The following WASHC4 variants were observed in gnomAD, a reference collection of about 807,000 sequenced individuals.
WASHC4 encodes the protein WASH complex subunit 4, also known as WASH complex subunit 7.
Under a neutral mutation model 166.6 loss-of-function variants are expected in WASHC4, and 86 were observed. That is an observed-to-expected ratio of 0.52 (90% CI 0.43 to 0.62). WASHC4 has a LOEUF of 0.62. Among genes scored for constraint, WASHC4 ranks in the 20% least tolerant of loss-of-function variants. The pLI is 0.00. For missense variants in WASHC4, 1,262 were observed against 1,382.4 expected (o/e 0.91, Z 1.38); for synonymous variants, 446 against 451.6 (o/e 0.99, Z 0.16).
At chr12:105,144,013 T>C (rs959952588) in intron 20 of WASHC4, among the ~76,000 whole-genome samples, 5 of 151,966 alleles carry the variant, frequency 3.3e-5, no homozygotes, top group African/African-American at 1.2e-4. Flanking sequence ...TTGCCTGTTC[T>C]CATGCCCTTT....
chr12:105,140,500 T>C, intron 16 of WASHC4, 99 bp downstream of exon 16: 1 of 896,652 alleles, frequency 1.1e-6, no homozygotes, highest in South Asian at 1.4e-5. Flanking sequence ...GTTTATTCCA[T>C]TCCTTCAAAC....
At chr12:105,118,179 T>C (rs960143942) in intron 6 of WASHC4, among the ~76,000 whole-genome samples, 6 of 152,144 alleles carry the variant, frequency 3.9e-5, no homozygotes, top group Admixed American at 3.9e-4. Context: ...CATTTAGGAG[T>C]TATATAAGTA....
intron 14 of WASHC4, among the ~76,000 whole-genome samples, chr12:105,137,442 G>A (rs1014033447): frequency 1.3e-5 from 2 of 152,160 alleles, no homozygotes; most frequent in African/African-American, 4.8e-5. Context: ...CTGAAGAACA[G>A]CCCTCTTTCT....
intron 26 of WASHC4, 121 bp from the exon 27 acceptor site, chr12:105,156,605 A>G (rs530117409): frequency 8.6e-6 from 6 of 698,514 alleles, no homozygotes; most frequent in South Asian, 7.1e-5. Context: ...AGTAAAATAT[A>G]GCAAAATATT....
intron 31 of WASHC4, 142 bp from the exon 32 acceptor site, chr12:105,164,499 T>A: frequency 1.2e-6 from 1 of 812,422 alleles, no homozygotes; most frequent in Non-Finnish European, 2.0e-6. Flanking sequence ...AATGGGCGGG[T>A]TACTTATTTC....
Position 105,122,169 on chromosome 12 carries a change from A to C in WASHC4, c.717A>C (p.Glu239Asp), listed in dbSNP as rs142475910. The C allele has an allele frequency of 7.2e-5, 116 of 1,611,632 alleles. 1 individual carries two copies. The East Asian group carries it at 1.8e-3, about 25-fold the overall frequency. ...CTTCAAAATTTGGAATTCAGGAAGA[A>C]AAATTAAAGCCATTTGAAAAGTTCT... Reference protein sequence around the residue: ...HNPSKFGIQEEKLKPFEKFLL... With the variant: ...HNPSKFGIQEDKLKPFEKFLL... The change falls in exon 10 of 33, where the codon GAA becomes GAC. Residue 239 changes from glutamate (E) to aspartate (D), a missense_variant. Physicochemically the swap from Glu to Asp is conservative, Grantham distance 45 (BLOSUM62 2). Coordinates refer to ENST00000332180, the MANE Select transcript of WASHC4 (RefSeq NM_015275.3).
rs76291672 is a variant in WASHC4, at chr12:105,151,168, AAAG to A, written c.2650-1172_2650-1170del. Reference sequence around the variant, plus strand: ...CTCAAAAAAAAAAAAAAAAAAAAAAAAAGAACGCCGTTTTCCTTTCACCTTCCA... The same window carrying A: ...CTCAAAAAAAAAAAAAAAAAAAAAAAAACGCCGTTTTCCTTTCACCTTCCA... On this transcript the variant is annotated intron_variant, in intron 25 of 32. Transcript: ENST00000332180. Among the ~76,000 whole-genome samples, 4 of 150,834 alleles carry A rather than the reference AAAG, an allele frequency of 2.7e-5. No homozygotes were observed. In the South Asian group the frequency reaches 6.3e-4, roughly 24 times the overall value.
chr12:105,130,932 T>C (rs531649888), intron 13 of WASHC4, among the ~76,000 whole-genome samples: 1 of 152,220 alleles, frequency 6.6e-6, no homozygotes, highest in African/African-American at 2.4e-5. Flanking sequence ...GCAGGAGATT[T>C]GTTTTTTTAC....
At chr12:105,125,962 T>C (rs1358258043) in intron 10 of WASHC4, 42 bp from the exon 11 acceptor site, 1 of 1,583,488 alleles carries the variant, frequency 6.3e-7, no homozygotes, top group Admixed American at 1.7e-5. Flanking sequence ...TAATCGTTTA[T>C]TATTGAGAGT....
At chr12:105,155,075 G>C (rs1884039234) in intron 26 of WASHC4, 1 of 151,918 alleles carries the variant, frequency 6.6e-6, no homozygotes, top group African/African-American at 2.4e-5. Context: ...TTTCAATAAA[G>C]TTCAATTATA....
chr12:105,115,598 TTTGGTA>T (rs1304499078), intron 5 of WASHC4, 57 bp from the exon 6 acceptor site: 1 of 1,247,162 alleles, frequency 8.0e-7, no homozygotes, highest in Non-Finnish European at 1.2e-6. Context: ...TTCCCCCTTT[TTTGGTA>T]TTGATTGAGT....
At chr12:105,134,344 T>C (rs769943878) in intron 14 of WASHC4, among the ~76,000 whole-genome samples, 10 of 152,130 alleles carry the variant, frequency 6.6e-5, no homozygotes, top group African/African-American at 1.2e-4. Context: ...TTGAAAAGAA[T>C]GTATAATTTG....
intron 6 of WASHC4, 50 bp downstream of exon 6, chr12:105,115,778 A>G: frequency 8.7e-7 from 1 of 1,150,942 alleles, no homozygotes; most frequent in Non-Finnish European, 1.3e-6. Flanking sequence ...AAGTTTGAGT[A>G]AATTACACAA....
At chr12:105,127,325 GATA>G in intron 13 of WASHC4, 36 bp downstream of exon 13, 1 of 1,377,730 alleles carries the variant, frequency 7.3e-7, no homozygotes, top group South Asian at 1.2e-5. Context: ...AAAATATTTA[GATA>G]TCCTTTATTT....
At chr12:105,141,135 A>G (rs371173031) in intron 17 of WASHC4, 32 bp from the exon 18 acceptor site, 11 of 1,609,926 alleles carry the variant, frequency 6.8e-6, no homozygotes, top group Non-Finnish European at 9.4e-6. Flanking sequence ...TTTGACTGCA[A>G]CTTCTCTGCC....
chr12:105,162,786 A>G lies in WASHC4; in HGVS notation c.3098A>G (p.Glu1033Gly). 6.2e-7 allele frequency: 1 copy of G among 1,604,270 alleles called. No homozygotes were observed. The highest frequency in any genetic ancestry group is 8.5e-7 in the Non-Finnish European group (1 of 1,173,224). Residue 1033 changes from glutamate (E) to glycine (G), a missense_variant, in exon 30 of 33, where the codon GAA becomes GGA. Coordinates refer to ENST00000332180, the MANE Select transcript of WASHC4 (RefSeq NM_015275.3). Reference protein sequence around the residue: ...NFVEHSISCKEKLNKKNKIGA... With the variant: ...NFVEHSISCKGKLNKKNKIGA... ...GTAGAGCATTCCATTAGTTGCAAGG[A>G]AAAATTAAATAAAAAAAATAAAATT...
chr12:105,140,769 A>G, intron 16 of WASHC4, 130 bp from the exon 17 acceptor site: 1 of 900,384 alleles, frequency 1.1e-6, no homozygotes, highest in Non-Finnish European at 1.7e-6. Context: ...AAATGTCAGA[A>G]GCTTAAATGG....
intron 6 of WASHC4, among the ~76,000 whole-genome samples, chr12:105,116,758 G>A (rs1880222562): frequency 6.6e-6 from 1 of 152,042 alleles, no homozygotes; most frequent in Non-Finnish European, 1.5e-5. Flanking sequence ...AGAAGAGAGG[G>A]GATTCAATAT....
chr12:105,133,922 C>A, intron 14 of WASHC4, 26 bp downstream of exon 14: 1 of 1,603,846 alleles, frequency 6.2e-7, no homozygotes, highest in South Asian at 1.1e-5. Flanking sequence ...TTCGGGGAAT[C>A]ATTTTTTTGT....
Sources: gnomAD v4.1 joint callset for allele counts (sites outside exome capture counted in the v4.1 genomes callset) on GRCh38, gnomAD v4.1.1 for gene constraint, MANE v1.5 for transcripts, NCBI Gene and HGNC (gene_info 2026-07-23, HGNC 2026-07-21) for gene names.